TACR1: variants seen among roughly 807,000 people sequenced by gnomAD.
TACR1 encodes substance-P receptor.
A neutral mutation model predicts 35.8 loss-of-function variants in TACR1; 25 were observed. That is an observed-to-expected ratio of 0.70 (90% confidence interval 0.51 to 0.98). The LOEUF (loss-of-function observed/expected upper bound fraction) is 0.98, where lower values mean the gene tolerates loss of function less well. Ranked by LOEUF, TACR1 falls within the 50% of genes least tolerant of loss-of-function variation. The probability of loss-of-function intolerance (pLI) is 0.00; values close to 1 mark genes in which losing one functional copy is unlikely to be tolerated. For synonymous variants in TACR1, 195 were observed against 206.7 expected (o/e 0.94, Z 0.48); for missense variants, 478 against 522.9 (o/e 0.91, Z 0.84).
chr2:75,106,546 A>G (rs1280135833), intron 2 of TACR1, among the ~76,000 whole-genome samples: 1 of 152,054 alleles, frequency 6.6e-6, no homozygotes, highest in African/African-American at 2.4e-5. Context: ...CACAGGTTAT[A>G]AACTCCAGGT....
At chr2:75,191,194 G>A (rs1354636193) in intron 1 of TACR1, among the ~76,000 whole-genome samples, 4 of 152,144 alleles carry the variant, frequency 2.6e-5, no homozygotes, top group Non-Finnish European at 5.9e-5. Context: ...TCTCACATAC[G>A]TGGGACTTCA....
intron 1 of TACR1, among the ~76,000 whole-genome samples, chr2:75,130,708 C>T (rs1558563184): frequency 6.6e-6 from 1 of 152,182 alleles, no homozygotes; most frequent in Non-Finnish European, 1.5e-5. Context: ...CACACCAAAG[C>T]GTTAATCACT....
chr2:75,049,346 G>A lies in TACR1; in HGVS notation c.*86C>T. 1.4e-6 allele frequency: 2 copies of A among 1,447,630 alleles called. No homozygotes were observed. The highest frequency in any genetic ancestry group is 9.4e-7 in the Non-Finnish European group (1 of 1,064,866). The allele number at this position is 1,447,630 out of a possible 1,614,324, so 89.7% of individuals were successfully genotyped here. ...CAAGTCCCAGTGTGAGGGTGTTTCTGATGGTTCCAGATGAAGGGAATTTCC... is the reference window on the plus strand; with the variant it reads ...CAAGTCCCAGTGTGAGGGTGTTTCTAATGGTTCCAGATGAAGGGAATTTCC... On this transcript the variant is annotated 3_prime_UTR_variant, in exon 5 of 5. Coordinates refer to ENST00000305249, the MANE Select transcript of TACR1 (RefSeq NM_001058.4).
chr2:75,159,863 A>T (rs1032316123), intron 1 of TACR1, among the ~76,000 whole-genome samples: 2 of 152,126 alleles, frequency 1.3e-5, no homozygotes, highest in Non-Finnish European at 2.9e-5. Context: ...TCCTGGAGAA[A>T]CTATTTACCG....
At chr2:75,155,260 C>A (rs1674816969) in intron 1 of TACR1, among the ~76,000 whole-genome samples, 1 of 152,182 alleles carries the variant, frequency 6.6e-6, no homozygotes, top group African/African-American at 2.4e-5. Context: ...ACAATTCTAA[C>A]TGTCTTCTTG....
At chr2:75,192,953 A>G (rs1043965727) in intron 1 of TACR1, among the ~76,000 whole-genome samples, 1 of 152,198 alleles carries the variant, frequency 6.6e-6, no homozygotes, top group African/African-American at 2.4e-5. Flanking sequence ...GAAGTTAATT[A>G]AAACACAAAA....
At position 75,139,015 on chromosome 2, in the gene TACR1, ATAAAT is replaced by A. The variant is rs572297727; in HGVS notation, c.390-18252_390-18248del. Among the ~76,000 whole-genome samples, 271 of 152,360 alleles carry A rather than the reference ATAAAT, an allele frequency of 1.8e-3. 1 individual carries two copies. The highest frequency in any genetic ancestry group is 6.1e-3 in the African/African-American group (254 of 41,588). ...GGGGATCTATTTTATTTATTATAAA[ATAAAT>A]TAAATACATAAAGGATGGATGGATT... On this transcript the variant is annotated intron_variant, in intron 1 of 4. Transcript: ENST00000305249.
intron 2 of TACR1, among the ~76,000 whole-genome samples, chr2:75,071,892 G>T (rs1672890115): frequency 6.6e-6 from 1 of 152,154 alleles, no homozygotes; most frequent in Non-Finnish European, 1.5e-5. Context: ...AAACCACTGG[G>T]TTTGACAATT....
chr2:75,115,719 A>G (rs1673840394), intron 2 of TACR1, among the ~76,000 whole-genome samples: 1 of 152,054 alleles, frequency 6.6e-6, no homozygotes, highest in Admixed American at 6.5e-5. Context: ...AGCCTGGCTA[A>G]CACCGTGAAA....
intron 1 of TACR1, chr2:75,188,184 T>A (rs1343190305): frequency 1.3e-5 from 2 of 152,216 alleles, no homozygotes; most frequent in African/African-American, 4.8e-5. Context: ...CCTGGGACTA[T>A]TTAGAAGAGT....
chr2:75,165,788 T>C (rs1675128708), intron 1 of TACR1, among the ~76,000 whole-genome samples: 1 of 152,200 alleles, frequency 6.6e-6, no homozygotes, highest in South Asian at 2.1e-4. Context: ...CCACTTCTGA[T>C]ATGACAAATG....
chr2:75,058,682 T>A (rs1426507204), intron 2 of TACR1, among the ~76,000 whole-genome samples: 1 of 152,246 alleles, frequency 6.6e-6, no homozygotes, highest in Non-Finnish European at 1.5e-5. Context: ...AACAACTTCA[T>A]GCCTTTGTTC....
Position 75,191,534 on chromosome 2 carries a change from C to T in TACR1, c.389+7012G>A, listed in dbSNP as rs180889570. On this transcript the variant is annotated intron_variant, in intron 1 of 4. Transcript: ENST00000305249. ...CAATCGGAAGTCTTTTCCTGGGGCACAATACCTGTTGAGGGTGGCAAGGTG... is the reference window on the plus strand; with the variant it reads ...CAATCGGAAGTCTTTTCCTGGGGCATAATACCTGTTGAGGGTGGCAAGGTG... Among the ~76,000 whole-genome samples the T allele has an allele frequency of 6.6e-5, 10 of 152,148 alleles. No homozygotes were observed. In the East Asian group the frequency reaches 1.9e-3, roughly 29 times the overall value.
intron 1 of TACR1, among the ~76,000 whole-genome samples, chr2:75,169,314 T>A (rs1471498499): frequency 6.6e-6 from 1 of 152,228 alleles, no homozygotes; most frequent in African/African-American, 2.4e-5. Flanking sequence ...AGTTATAGTA[T>A]GTCTTTGTAT....
chr2:75,083,926 C>T (rs1167060615), intron 2 of TACR1, among the ~76,000 whole-genome samples: 1 of 152,092 alleles, frequency 6.6e-6, no homozygotes, highest in Non-Finnish European at 1.5e-5. Context: ...ATTTCTTTCT[C>T]CTGCCTGATT....
intron 2 of TACR1, among the ~76,000 whole-genome samples, chr2:75,119,860 C>A (rs1005379651): frequency 6.6e-6 from 1 of 152,026 alleles, no homozygotes; most frequent in Non-Finnish European, 1.5e-5. Flanking sequence ...GTACCTTATT[C>A]GGGAGAAGAA....
intron 2 of TACR1, among the ~76,000 whole-genome samples, chr2:75,079,646 C>G (rs1456425442): frequency 6.6e-6 from 1 of 151,868 alleles, no homozygotes; most frequent in Non-Finnish European, 1.5e-5. Context: ...TATTCTTTCT[C>G]TTGAAGGTTC....
chr2:75,093,970 G>A (rs928609805), intron 2 of TACR1, among the ~76,000 whole-genome samples: 2 of 152,236 alleles, frequency 1.3e-5, no homozygotes, highest in Admixed American at 1.3e-4. Context: ...AGGTCACACA[G>A]CATGTTAGAG....
At chr2:75,142,674 T>A (rs1674432993) in intron 1 of TACR1, among the ~76,000 whole-genome samples, 1 of 151,838 alleles carries the variant, frequency 6.6e-6, no homozygotes, top group Non-Finnish European at 1.5e-5. Flanking sequence ...CAGAGGGGAG[T>A]GCAGGTTACC....
Sources: gnomAD v4.1 joint callset for allele counts (sites outside exome capture counted in the v4.1 genomes callset) on GRCh38, gnomAD v4.1.1 for gene constraint, MANE v1.5 for transcripts, NCBI Gene and HGNC (gene_info 2026-07-23, HGNC 2026-07-21) for gene names.